STX3: variants seen among roughly 807,000 people sequenced by gnomAD.
The protein encoded by STX3 is syntaxin-3.
A neutral mutation model predicts 40.2 loss-of-function variants in STX3; 19 were observed. The ratio of observed to expected loss-of-function variants is 0.47; its 90% CI spans 0.33 to 0.69. The LOEUF (loss-of-function observed/expected upper bound fraction) is 0.69. Among genes scored for constraint, STX3 ranks in the 30% least tolerant of loss-of-function variants. The pLI is 0.02. For synonymous variants in STX3, 122 were observed against 132.2 expected (o/e 0.92, Z 0.53); for missense variants, 364 against 366.7 (o/e 0.99, Z 0.06).
Position 59,801,822 on chromosome 11 carries a change from CAAAAA to C in STX3, c.*1005_*1009del, listed in dbSNP as rs75334454. ...ATAAAAATGGAAGCTATTATGACCT[CAAAAA>C]AAAAAAGCCAACTTTGAGCTAGGAT... On this transcript the variant is annotated 3_prime_UTR_variant, in exon 11 of 11. Coordinates refer to ENST00000337979, the MANE Select transcript of STX3 (RefSeq NM_004177.5). 2.5e-5 allele frequency: 19 copies of C among 761,410 alleles called. No homozygotes were observed. In the African/African-American group the frequency reaches 3.7e-4, roughly 15 times the overall value. The allele number at this position is 761,410 out of a possible 1,614,324, so 47.2% of individuals were successfully genotyped here. A position where few individuals can be genotyped will look rare whatever the true frequency, so the allele number is the denominator to read the frequency against.
At chr11:59,800,020 C>T (rs1156629482) in intron 10 of STX3, 1 of 985,284 alleles carries the variant, frequency 1.0e-6, no homozygotes, top group African/African-American at 1.7e-5. Flanking sequence ...TTCCTAATTC[C>T]AGGACTTCAG....
In STX3 at chr11:59,773,089, T is replaced by C. The variant is rs561399510; in HGVS notation, c.31-122T>C. The C allele has an allele frequency of 1.3e-5, 12 of 902,896 alleles. No homozygotes were observed. The African/African-American group carries it at 1.3e-4, about 10-fold the overall frequency. 55.9% of individuals were successfully genotyped at this position (902,896 alleles called of 1,614,324 possible). A position where few individuals can be genotyped will look rare whatever the true frequency, so the allele number is the denominator to read the frequency against. On this transcript the variant is annotated intron_variant, in intron 1 of 10. Transcript: ENST00000337979. The stretch of plus-strand genomic sequence containing the variant: ...AATTTGATATATCAGAGAGCTGTTA[T>C]GAGTTTTAAAGGAAATTATGTGTAA...
chr11:59,801,278 C>T lies in STX3; in HGVS notation c.*454C>T, dbSNP rs1865875825. 8.0e-6 allele frequency: 8 copies of T among 1,005,708 alleles called. No homozygotes were observed. The South Asian group carries it at 2.7e-4, about 34-fold the overall frequency. 62.3% of individuals were successfully genotyped at this position (1,005,708 alleles called of 1,614,324 possible). ...AGCAGAATGATTCTTCTAAGTTTGG[C>T]AACAAGAAGGCTTGGATCTGAGTCT... On this transcript the variant is annotated 3_prime_UTR_variant, in exon 11 of 11. Coordinates refer to ENST00000337979, the MANE Select transcript of STX3 (RefSeq NM_004177.5).
Position 59,800,911 on chromosome 11 carries a change from T to C in STX3, c.*87T>C, listed in dbSNP as rs1324036186. ...CCCTTGTCTTCAGATGAGAATGGAG[T>C]CTGAATGGCCTTCCTGAGAGCGAGT... On this transcript the variant is annotated 3_prime_UTR_variant, in exon 11 of 11. Coordinates refer to ENST00000337979, the MANE Select transcript of STX3 (RefSeq NM_004177.5). 6.5e-7 allele frequency: 1 copy of C among 1,536,142 alleles called. No homozygotes were observed. Among genetic ancestry groups the C allele is most frequent in the Admixed American group, 2.0e-5 (1 of 50,974 alleles).
Position 59,778,824 on chromosome 11 carries a change from T to G in STX3, c.114+5530T>G, listed in dbSNP as rs558120757. On this transcript the variant is annotated intron_variant, in intron 2 of 10. Coordinates refer to ENST00000337979, the MANE Select transcript of STX3 (RefSeq NM_004177.5). ...ATTAATAAGGATGAAAGTTTTCTTT[T>G]CTTTTCCTTTTTTTTTTTTTTTTTT... 1.1e-4 allele frequency among the ~76,000 whole-genome samples: 16 copies of G among 150,632 alleles called. No individual in the cohort carries two copies. In the South Asian group the frequency reaches 3.3e-3, roughly 31 times the overall value.
intron 5 of STX3, 67 bp from the exon 6 acceptor site, chr11:59,792,040 G>A: frequency 8.0e-7 from 1 of 1,246,186 alleles, no homozygotes; most frequent in South Asian, 1.3e-5. Context: ...CTATGTGGGG[G>A]TGGGGAGGGG....
intron 2 of STX3, among the ~76,000 whole-genome samples, chr11:59,773,498 A>G (rs1001692682): frequency 3.9e-5 from 6 of 152,232 alleles, no homozygotes; most frequent in African/African-American, 1.4e-4. Context: ...TAAGAAAGTC[A>G]GCAGAGGGTC....
At chr11:59,781,994 T>G (rs568463757) in intron 2 of STX3, among the ~76,000 whole-genome samples, 2 of 152,200 alleles carry the variant, frequency 1.3e-5, no homozygotes, top group African/African-American at 4.8e-5. Flanking sequence ...CCTGGGAGTT[T>G]AGGAGAGGCC....
intron 1 of STX3, among the ~76,000 whole-genome samples, chr11:59,768,247 C>T (rs1461456616): frequency 6.6e-6 from 1 of 152,148 alleles, no homozygotes; most frequent in African/African-American, 2.4e-5. Context: ...CAGATTCAGT[C>T]AGTTGATATC....
At chr11:59,774,628 T>G (rs478167) in intron 2 of STX3, among the ~76,000 whole-genome samples, 1 of 151,838 alleles carries the variant, frequency 6.6e-6, no homozygotes, top group Non-Finnish European at 1.5e-5. Flanking sequence ...GTCAAGAGTT[T>G]GAGACCAGCC....
chr11:59,790,464 C>A, intron 4 of STX3, 55 bp from the exon 5 acceptor site: 1 of 1,342,536 alleles, frequency 7.4e-7, no homozygotes, highest in Non-Finnish European at 1.1e-6. Flanking sequence ...CACTGAATAG[C>A]ATGTTTCTTG....
intron 1 of STX3, among the ~76,000 whole-genome samples, chr11:59,759,670 A>G (rs1040371287): frequency 6.6e-6 from 1 of 152,172 alleles, no homozygotes; most frequent in African/African-American, 2.4e-5. Flanking sequence ...ATAAGGACAC[A>G]CTAATGAAAT....
chr11:59,793,198 C>T (rs1865309498), intron 7 of STX3, 26 bp downstream of exon 7: 2 of 1,611,906 alleles, frequency 1.2e-6, no homozygotes, highest in African/African-American at 1.3e-5. Flanking sequence ...GCTCGGATAG[C>T]ACATCCCTCT....
Position 59,802,449 on chromosome 11 carries a change from C to T in STX3, c.*1625C>T, listed in dbSNP as rs1438907047. On this transcript the variant is annotated 3_prime_UTR_variant, in exon 11 of 11. Coordinates refer to ENST00000337979, the MANE Select transcript of STX3 (RefSeq NM_004177.5). The stretch of plus-strand genomic sequence containing the variant: ...TTCCTTTGCAAAGGCTACTTATGGC[C>T]GGTCACAATCCAGCACTCAGACAGA... The T allele has an allele frequency of 6.1e-6, 6 of 985,788 alleles. No individual in the cohort carries two copies. The highest frequency in any genetic ancestry group is 7.2e-6 in the Non-Finnish European group (6 of 829,930). 61.1% of individuals were successfully genotyped at this position (985,788 alleles called of 1,614,324 possible). A position where few individuals can be genotyped will look rare whatever the true frequency, so the allele number is the denominator to read the frequency against.
At chr11:59,768,742 A>G (rs1863406431) in intron 1 of STX3, among the ~76,000 whole-genome samples, 1 of 152,200 alleles carries the variant, frequency 6.6e-6, no homozygotes, top group African/African-American at 2.4e-5. Context: ...GTATTGGGAA[A>G]CAGGGACATA....
chr11:59,777,477 G>A (rs1249988513), intron 2 of STX3, among the ~76,000 whole-genome samples: 3 of 152,190 alleles, frequency 2.0e-5, no homozygotes, highest in Admixed American at 1.3e-4. Flanking sequence ...TGGAGGGTGC[G>A]AAAGACCTGA....
intron 1 of STX3, among the ~76,000 whole-genome samples, chr11:59,759,707 AC>A (rs1456263503): frequency 6.6e-6 from 1 of 152,150 alleles, no homozygotes; most frequent in Non-Finnish European, 1.5e-5. Context: ...TAAAGGCCAG[AC>A]TAACTTTTTA....
chr11:59,755,358 G>C (rs1862643033), upstream of STX3: 1 of 321,738 alleles, frequency 3.1e-6, no homozygotes. Context: ...GCGCTGCGCC[G>C]GCGCCGGCCC....
Position 59,802,879 on chromosome 11 carries a change from A to G in STX3, c.*2055A>G, listed in dbSNP as rs151181740. The stretch of plus-strand genomic sequence containing the variant: ...AACTCCCACAGAATGCAGTGTAACT[A>G]TGTTTGTGTTTCAGATTTGAGGTGT... On this transcript the variant is annotated 3_prime_UTR_variant, in exon 11 of 11. Transcript: ENST00000337979. 297 of 985,402 alleles carry G rather than the reference A, an allele frequency of 3.0e-4. No individual in the cohort carries two copies. The African/African-American group carries it at 4.8e-3, about 16-fold the overall frequency. 61.0% of individuals were successfully genotyped at this position (985,402 alleles called of 1,614,324 possible).
Sources: allele counts gnomAD v4.1 joint callset (sites outside exome capture counted in the v4.1 genomes callset), GRCh38; gene constraint gnomAD v4.1.1; transcripts MANE v1.5; gene names NCBI Gene and HGNC (gene_info 2026-07-23, HGNC 2026-07-21).